SHANK2: variants seen among roughly 807,000 people sequenced by gnomAD.
SHANK2 encodes SH3 and multiple ankyrin repeat domains protein 2.
Under a neutral mutation model 133.7 loss-of-function variants are expected in SHANK2, and 43 were observed. That is an observed-to-expected ratio of 0.32 (90% confidence interval 0.25 to 0.41). SHANK2 has a LOEUF of 0.41. Ranked by LOEUF, SHANK2 falls within the 10% of genes least tolerant of loss-of-function variation. The pLI, the probability that SHANK2 is intolerant of heterozygous loss-of-function variation, is 1.00. For missense variants in SHANK2, 1,994 were observed against 2,235.8 expected (o/e 0.89, Z 2.18); for synonymous variants, 1,017 against 952.8 (o/e 1.07, Z -1.24).
chr11:70,646,303 G>C (rs563532), intron 17 of SHANK2: 124,880 of 152,278 alleles, frequency 0.82, 51,710 homozygotes, highest in African/African-American at 0.93. Context: ...TCAAAGGTAA[G>C]GAAGCTTGTG....
intron 2 of SHANK2, among the ~76,000 whole-genome samples, chr11:71,148,145 C>T (rs1257652483): frequency 2.0e-5 from 3 of 149,506 alleles, no homozygotes; most frequent in Non-Finnish European, 3.0e-5. Flanking sequence ...AGTGCAATGG[C>T]GTGATCTCGG....
chr11:70,533,220 G>A (rs1375919607), intron 17 of SHANK2, among the ~76,000 whole-genome samples: 4 of 152,068 alleles, frequency 2.6e-5, no homozygotes, highest in African/African-American at 9.7e-5. Context: ...ACTTTTGAAT[G>A]GTGAATTTTA....
At chr11:70,795,407 CTTTT>C (rs71049944) in intron 14 of SHANK2, among the ~76,000 whole-genome samples, 1 of 128,452 alleles carries the variant, frequency 7.8e-6, no homozygotes, top group African/African-American at 2.9e-5. Flanking sequence ...CTTTCTTTTT[CTTTT>C]TTTTTTTTTT....
chr11:70,672,157 G>T (rs1476069709), intron 15 of SHANK2, among the ~76,000 whole-genome samples: 1 of 150,742 alleles, frequency 6.6e-6, no homozygotes, highest in Non-Finnish European at 1.5e-5. Context: ...TCCATCTCCC[G>T]GGTTCAAGCG....
At chr11:70,850,891 C>A (rs1249045261) in intron 11 of SHANK2, among the ~76,000 whole-genome samples, 1 of 152,224 alleles carries the variant, frequency 6.6e-6, no homozygotes, top group Non-Finnish European at 1.5e-5. Context: ...GCAGCCCTGA[C>A]AACCCCTTCG....
intron 17 of SHANK2, among the ~76,000 whole-genome samples, chr11:70,581,858 C>T (rs7115765): frequency 0.83 from 125,553 of 152,072 alleles, 51,980 homozygotes; most frequent in South Asian, 0.9. Flanking sequence ...GCGGTATGGC[C>T]CCTGGGAAGC....
At chr11:71,216,014 C>T (rs1004027171) in intron 2 of SHANK2, among the ~76,000 whole-genome samples, 6 of 147,314 alleles carry the variant, frequency 4.1e-5, no homozygotes, top group African/African-American at 1.3e-4. Context: ...AGCCCTCATC[C>T]GACGCTGGAG....
Position 70,560,146 on chromosome 11 carries a change from A to T in SHANK2, c.2062-57215T>A, listed in dbSNP as rs139931406. On this transcript the variant is annotated intron_variant, in intron 17 of 25. Transcript: ENST00000601538. ...CTCAGACTCCCAAAGTGCTTGGATT[A>T]CAGGCGTGAGCCACCGTGCTCGGCT... is the stretch of plus-strand genomic sequence containing the variant. Among the ~76,000 whole-genome samples, 10 of 152,304 alleles carry T rather than the reference A, an allele frequency of 6.6e-5. No individual in the cohort carries two copies. The East Asian group carries it at 1.9e-3, about 29-fold the overall frequency.
At chr11:70,661,886 A>G (rs969673814) in intron 15 of SHANK2, 4 of 1,382,876 alleles carry the variant, frequency 2.9e-6, no homozygotes, top group South Asian at 2.3e-5. Flanking sequence ...GCGTGGCACA[A>G]TGAGACTTGC....
At chr11:71,237,598 A>G (rs575104681) in intron 1 of SHANK2, among the ~76,000 whole-genome samples, 2 of 152,336 alleles carry the variant, frequency 1.3e-5, no homozygotes, top group East Asian at 3.9e-4. Flanking sequence ...GGCTGCAGCG[A>G]AGGATCCAGT....
At chr11:70,495,655 G>T (rs939115205) in intron 21 of SHANK2, among the ~76,000 whole-genome samples, 6 of 152,346 alleles carry the variant, frequency 3.9e-5, no homozygotes, top group African/African-American at 1.4e-4. Context: ...CTTCCTGACA[G>T]TGCTGGCCCG....
chr11:70,850,149 T>A (rs561742297), intron 11 of SHANK2, among the ~76,000 whole-genome samples: 1 of 152,308 alleles, frequency 6.6e-6, no homozygotes, highest in South Asian at 2.1e-4. Flanking sequence ...CCTCAAGGTC[T>A]CTCCATGTTG....
At chr11:70,862,244 C>T (rs1233712015) in intron 11 of SHANK2, among the ~76,000 whole-genome samples, 1 of 152,196 alleles carries the variant, frequency 6.6e-6, no homozygotes, top group African/African-American at 2.4e-5. Context: ...TGCAAACCTG[C>T]TGCGATTAAG....
chr11:70,576,509 T>C (rs1029278383), intron 17 of SHANK2, among the ~76,000 whole-genome samples: 40 of 152,144 alleles, frequency 2.6e-4, no homozygotes, highest in African/African-American at 7.7e-4. Context: ...TGGTGGTGGG[T>C]GCCTGCAGTC....
chr11:71,075,957 G>C (rs914650274), intron 8 of SHANK2, among the ~76,000 whole-genome samples: 76,747 of 152,042 alleles, frequency 0.5, 19,725 homozygotes, highest in Middle Eastern at 0.6. Context: ...ACTTTCGCCT[G>C]AGTACCTATG....
intron 12 of SHANK2, among the ~76,000 whole-genome samples, chr11:70,819,803 G>A (rs947148497): frequency 7.2e-5 from 11 of 152,146 alleles, no homozygotes; most frequent in African/African-American, 1.7e-4. Flanking sequence ...GAGGGTTAGC[G>A]CTACCTGAGA....
chr11:70,856,830 T>C (rs1218510915), intron 11 of SHANK2, among the ~76,000 whole-genome samples: 2 of 152,178 alleles, frequency 1.3e-5, no homozygotes, highest in Non-Finnish European at 2.9e-5. Context: ...CATCTGCCAA[T>C]CTGTGCCCAG....
intron 17 of SHANK2, among the ~76,000 whole-genome samples, chr11:70,649,260 A>T (rs1208929059): frequency 6.6e-6 from 1 of 152,090 alleles, no homozygotes; most frequent in African/African-American, 2.4e-5. Flanking sequence ...CACAAAGGAG[A>T]TGCATGGGAA....
intron 15 of SHANK2, among the ~76,000 whole-genome samples, chr11:70,674,773 G>A (rs1007692890): frequency 3.9e-5 from 6 of 152,232 alleles, no homozygotes; most frequent in Admixed American, 6.5e-5. Context: ...TGCTAGTTGT[G>A]GCACAGAGGC....
Sources: gnomAD v4.1 joint callset for allele counts (sites outside exome capture counted in the v4.1 genomes callset) on GRCh38, gnomAD v4.1.1 for gene constraint, MANE v1.5 for transcripts, NCBI Gene and HGNC (gene_info 2026-07-23, HGNC 2026-07-21) for gene names.